The following SLC36A1 variants were observed in gnomAD, a reference collection of about 807,000 sequenced individuals.
SLC36A1 encodes solute carrier family 36 member 1, also known as proton-coupled amino acid transporter 1.
A neutral mutation model predicts 47.5 loss-of-function variants in SLC36A1; 30 were observed. The ratio of observed to expected loss-of-function variants is 0.63; its 90% CI spans 0.47 to 0.86. The LOEUF (loss-of-function observed/expected upper bound fraction) is 0.86. Among genes scored for constraint, SLC36A1 ranks in the 40% least tolerant of loss-of-function variants. SLC36A1 has a pLI of 0.00. For missense variants in SLC36A1, 517 were observed against 606.0 expected, an observed-to-expected ratio of 0.85 and a Z score of 1.54; for synonymous variants, 255 against 249.7, an observed-to-expected ratio of 1.02 and a Z score of -0.20.
chr5:151,416,846 G>C, the SLC36A1 span, among the ~76,000 whole-genome samples: 2 of 152,194 alleles, frequency 1.3e-5, no homozygotes, highest in African/African-American at 4.8e-5. Flanking sequence ...GAGAGACCAG[G>C]TGCAGGTAAT....
intron 9 of SLC36A1, chr5:151,476,989 T>C (rs1031277122): frequency 1.5e-6 from 1 of 655,690 alleles, no homozygotes; most frequent in Non-Finnish European, 2.8e-6. Context: ...GGGTAAGCCA[T>C]TTCTCCTTGG....
At chr5:151,347,630 C>T in the SLC36A1 span, 673 of 703,174 alleles carry the variant, frequency 9.6e-4, 4 homozygotes, top group Middle Eastern at 0.012. Flanking sequence ...GGCACCTCTT[C>T]CTGCCTGGAG....
chr5:151,506,730 A>C, the SLC36A1 span, among the ~76,000 whole-genome samples: 1 of 152,254 alleles, frequency 6.6e-6, no homozygotes, highest in Non-Finnish European at 1.5e-5. Flanking sequence ...AAAGATGAGA[A>C]GAAGGTGATA....
chr5:151,495,219 T>C (rs57225255), downstream of SLC36A1, among the ~76,000 whole-genome samples: 741 of 152,356 alleles, frequency 4.9e-3, 4 homozygotes, highest in African/African-American at 0.017. Flanking sequence ...TTAATTTGCA[T>C]TTCCCCAATG....
At chr5:151,443,876 TTCTC>T (rs1264258138), upstream of SLC36A1, among the ~76,000 whole-genome samples, 1 of 152,198 alleles carries the variant, frequency 6.6e-6, no homozygotes, top group Non-Finnish European at 1.5e-5. Flanking sequence ...ATTTCATTCT[TTCTC>T]ACATAAAAAC....
At chr5:151,550,950 T>C in the SLC36A1 span, 1 of 1,349,876 alleles carries the variant, frequency 7.4e-7, no homozygotes, top group Non-Finnish European at 1.0e-6. Context: ...CCTCCCTGTA[T>C]CACCCAGGCC....
the SLC36A1 span, chr5:151,380,507 C>T: frequency 1.5e-4 from 75 of 492,272 alleles, no homozygotes; most frequent in Non-Finnish European, 2.8e-4. Flanking sequence ...TGATGCCCTG[C>T]GGCAGTTCGT....
At chr5:151,360,135 A>C in the SLC36A1 span, among the ~76,000 whole-genome samples, 2 of 152,142 alleles carry the variant, frequency 1.3e-5, no homozygotes, top group Admixed American at 6.5e-5. Context: ...TTTTTTGCTT[A>C]AAGTGGTGGA....
At chr5:151,472,851 G>A (rs1487945174) in intron 7 of SLC36A1, among the ~76,000 whole-genome samples, 1 of 152,052 alleles carries the variant, frequency 6.6e-6, no homozygotes, top group Non-Finnish European at 1.5e-5. Context: ...GTTCTACTTA[G>A]TTATCTCAAT....
At chr5:151,384,251 G>A in the SLC36A1 span, among the ~76,000 whole-genome samples, 1 of 152,126 alleles carries the variant, frequency 6.6e-6, no homozygotes, top group Non-Finnish European at 1.5e-5. Flanking sequence ...TCCTTTCCGG[G>A]TGTTGGCTCT....
the SLC36A1 span, among the ~76,000 whole-genome samples, chr5:151,409,994 C>T: frequency 6.6e-6 from 1 of 152,188 alleles, no homozygotes; most frequent in Non-Finnish European, 1.5e-5. Flanking sequence ...CAGGCAGAAT[C>T]CTAAGCCCTT....
the SLC36A1 span, among the ~76,000 whole-genome samples, chr5:151,393,849 T>G: frequency 6.6e-6 from 1 of 152,178 alleles, no homozygotes; most frequent in Non-Finnish European, 1.5e-5. Context: ...TTTCCTTCAT[T>G]TCAACTTTGG....
intron 1 of SLC36A1, among the ~76,000 whole-genome samples, chr5:151,456,753 T>TG (rs1754585110): frequency 6.6e-6 from 1 of 152,278 alleles, no homozygotes; most frequent in Admixed American, 6.5e-5. Context: ...TGAGATAGCT[T>TG]GGGGGTCCTT....
the SLC36A1 span, chr5:151,512,374 A>G: frequency 2.5e-6 from 4 of 1,614,232 alleles, no homozygotes; most frequent in Non-Finnish European, 3.4e-6. The surrounding 1 kb of genome is among the most constrained non-coding windows in gnomAD (Gnocchi z 4.1). Flanking sequence ...GGAAGAATGC[A>G]ACAGAATGAG....
the SLC36A1 span, chr5:151,521,462 C>T: frequency 3.5e-5 from 57 of 1,614,114 alleles, no homozygotes; most frequent in Admixed American, 6.7e-5. Flanking sequence ...ACTGAATGCT[C>T]CATCTCCTTG....
At chr5:151,479,003 C>T (rs1208183512) in intron 9 of SLC36A1, among the ~76,000 whole-genome samples, 1 of 152,196 alleles carries the variant, frequency 6.6e-6, no homozygotes, top group Non-Finnish European at 1.5e-5. Flanking sequence ...TAGAGTTCTG[C>T]CTCATACTTT....
the SLC36A1 span, among the ~76,000 whole-genome samples, chr5:151,392,921 C>T: frequency 1.3e-5 from 2 of 152,136 alleles, no homozygotes; most frequent in Non-Finnish European, 2.9e-5. Context: ...ATTAGGTCAG[C>T]TTGGTGCAGA....
chr5:151,512,640 C>A, the SLC36A1 span: 2 of 1,541,198 alleles, frequency 1.3e-6, no homozygotes, highest in Non-Finnish European at 1.8e-6. This position sits in a 1 kb window ranked among gnomAD's most constrained non-coding sequence, Gnocchi z 4.1. Context: ...ATCAGCAAAG[C>A]CAAGGAGTCC....
intron 7 of SLC36A1, among the ~76,000 whole-genome samples, chr5:151,471,377 C>A (rs1471962643): frequency 1.3e-5 from 2 of 152,220 alleles, no homozygotes; most frequent in African/African-American, 4.8e-5. Context: ...CAGTAGCAAT[C>A]AGTAAGTATG....
Sources: allele counts gnomAD v4.1 joint callset (sites outside exome capture counted in the v4.1 genomes callset), GRCh38; gene constraint gnomAD v4.1.1; non-coding constraint Gnocchi (gnomAD v3.1); transcripts MANE v1.5; gene names NCBI Gene and HGNC (gene_info 2026-07-23, HGNC 2026-07-21).